NAALADL2: variants seen among roughly 807,000 people sequenced by gnomAD.
NAALADL2 encodes inactive N-acetylated-alpha-linked acidic dipeptidase-like protein 2.
Under a neutral mutation model 87.2 loss-of-function variants are expected in NAALADL2, and 76 were observed. The ratio of observed to expected loss-of-function variants is 0.87; its 90% CI spans 0.72 to 1.05. The LOEUF (loss-of-function observed/expected upper bound fraction) is 1.05, where lower values mean the gene tolerates loss of function less well. Among genes scored for constraint, NAALADL2 ranks in the 50% least tolerant of loss-of-function variants. NAALADL2 has a pLI of 0.00. For synonymous variants in NAALADL2, 354 were observed against 331.0 expected (o/e 1.07, Z -0.75); for missense variants, 1,089 against 945.8 (o/e 1.15, Z -1.99).
chr3:175,116,109 A>G (rs894943151), intron 2 of NAALADL2, among the ~76,000 whole-genome samples: 9 of 151,996 alleles, frequency 5.9e-5, no homozygotes. Context: ...AGTTATGACA[A>G]ACCCACAGCC....
intron 1 of NAALADL2, among the ~76,000 whole-genome samples, chr3:174,947,375 T>G (rs56134737): frequency 2.0e-5 from 3 of 152,146 alleles, no homozygotes; most frequent in Non-Finnish European, 4.4e-5. Flanking sequence ...GAGCTGAAGA[T>G]TGCTGTTTTA....
chr3:175,463,488 C>T lies in NAALADL2; in HGVS notation c.1322C>T (p.Ser441Phe). 1 of 1,574,728 alleles carries T rather than the reference C, an allele frequency of 6.4e-7. No individual in the cohort carries two copies. The highest frequency in any genetic ancestry group is 1.3e-5 in the African/African-American group (1 of 74,162). ...NVVGFVMGLT[S>F]PDRYIIVGSH... ...GTTGGATTTGTAATGGGCTTGACAT[C>T]TCCAGGTAAGTAGGGTTGAAAATTT... The change falls in exon 7 of 14, where the codon TCT becomes TTT. Residue 441 changes from serine (S) to phenylalanine (F), a missense_variant. Transcript: ENST00000454872.
At chr3:175,060,088 C>G in intron 1 of NAALADL2, 1 of 284,300 alleles carries the variant, frequency 3.5e-6, no homozygotes, top group Non-Finnish European at 7.4e-6. Context: ...AAATTGTGGG[C>G]ACCCCTGCTA....
intron 5 of NAALADL2, among the ~76,000 whole-genome samples, chr3:175,375,923 C>CATA (rs1767070149): frequency 1.3e-5 from 2 of 152,060 alleles, no homozygotes; most frequent in African/African-American, 4.8e-5. Flanking sequence ...CCTTTTTCTG[C>CATA]CCTACCCTCA....
intron 2 of NAALADL2, among the ~76,000 whole-genome samples, chr3:175,107,480 C>G (rs912777721): frequency 4.6e-5 from 7 of 150,920 alleles, no homozygotes; most frequent in Non-Finnish European, 8.9e-5. Flanking sequence ...ACCAATCTAG[C>G]TCTTTTCATA....
chr3:174,823,170 C>G (rs1428929593), intron 3 of NAALADL2, among the ~76,000 whole-genome samples: 1 of 151,828 alleles, frequency 6.6e-6, no homozygotes, highest in Admixed American at 6.6e-5. Flanking sequence ...GTTCTTTGTC[C>G]CAAGTGTTTG....
intron 1 of NAALADL2, among the ~76,000 whole-genome samples, chr3:174,967,284 G>A (rs1454293462): frequency 6.7e-6 from 1 of 149,676 alleles, no homozygotes; most frequent in African/African-American, 2.5e-5. Context: ...AATGAAGTAA[G>A]ATTAAGTTGC....
intron 10 of NAALADL2, among the ~76,000 whole-genome samples, chr3:175,619,778 T>A (rs1248783185): frequency 1.3e-5 from 2 of 152,144 alleles, no homozygotes; most frequent in Non-Finnish European, 2.9e-5. Context: ...TAGGAAAGAC[T>A]GGAGGTCCTA....
intron 1 of NAALADL2, among the ~76,000 whole-genome samples, chr3:174,936,417 C>T (rs1313885693): frequency 6.6e-6 from 1 of 151,802 alleles, no homozygotes. Flanking sequence ...ATAAAATGTC[C>T]ATGAATTGTT....
chr3:175,095,579 T>G lies in NAALADL2; in HGVS notation c.44-1211T>G, dbSNP rs376884837. ...AATTTTCTTAAAAATTTAGGAAATT[T>G]TAATTATATGGGCCTCAGCTAGCCA... On this transcript the variant is annotated intron_variant, in intron 1 of 13. Transcript: ENST00000454872. Among the ~76,000 whole-genome samples the G allele has an allele frequency of 7.9e-5, 12 of 152,254 alleles. No homozygotes were observed. The East Asian group carries it at 2.3e-3, about 29-fold the overall frequency.
At chr3:174,773,112 A>G (rs1714784535) in intron 3 of NAALADL2, among the ~76,000 whole-genome samples, 1 of 152,148 alleles carries the variant, frequency 6.6e-6, no homozygotes, top group Non-Finnish European at 1.5e-5. Context: ...AGATAATTAC[A>G]AAAGAGAAGG....
chr3:175,778,725 G>C (rs184255794), intron 13 of NAALADL2, among the ~76,000 whole-genome samples: 1 of 152,190 alleles, frequency 6.6e-6, no homozygotes, highest in East Asian at 1.9e-4. Context: ...TTTACAAGTG[G>C]GGAAGAAGAG....
intron 2 of NAALADL2, among the ~76,000 whole-genome samples, chr3:175,135,305 G>A (rs1413467567): frequency 6.6e-6 from 1 of 152,118 alleles, no homozygotes; most frequent in Non-Finnish European, 1.5e-5. Context: ...GCCAAGAAAA[G>A]TGATAATTCA....
intron 4 of NAALADL2, among the ~76,000 whole-genome samples, chr3:175,259,952 C>T (rs992549238): frequency 4.0e-5 from 6 of 151,748 alleles, no homozygotes; most frequent in Non-Finnish European, 1.5e-5. Context: ...CGCTTGAACC[C>T]GGGAGGTGGA....
intron 3 of NAALADL2, among the ~76,000 whole-genome samples, chr3:174,787,611 A>ATACACATATATATATATATG (rs1716950053): frequency 8.8e-6 from 1 of 114,030 alleles, no homozygotes; most frequent in Non-Finnish European, 1.9e-5. Context: ...ATATATATAT[A>ATACACATATATATATATATG]TATATATATA....
At chr3:174,882,891 GTATA>G (rs775939625) in intron 1 of NAALADL2, among the ~76,000 whole-genome samples, 2 of 149,006 alleles carry the variant, frequency 1.3e-5, no homozygotes, top group Admixed American at 1.3e-4. Flanking sequence ...GTGTATATAT[GTATA>G]TATATGTGTA....
At chr3:175,746,017 T>G (rs139416919) in intron 12 of NAALADL2, among the ~76,000 whole-genome samples, 233 of 152,312 alleles carry the variant, frequency 1.5e-3, no homozygotes, top group African/African-American at 5.3e-3. Context: ...ATTTATTTAG[T>G]GCAAGCCAGA....
At chr3:174,508,081 GT>G (rs1719321022) in intron 1 of NAALADL2, among the ~76,000 whole-genome samples, 1 of 132,622 alleles carries the variant, frequency 7.5e-6, no homozygotes, top group Non-Finnish European at 1.6e-5. Flanking sequence ...AGTATGGCCA[GT>G]TTTTTAAATT....
chr3:174,930,613 A>ATTTTTTTTT (rs1188907600), intron 1 of NAALADL2, among the ~76,000 whole-genome samples: 5 of 99,774 alleles, frequency 5.0e-5, no homozygotes, highest in African/African-American at 2.2e-4. Flanking sequence ...AATAAGATGA[A>ATTTTTTTTT]CTTTTTTTTT....
Sources: allele counts gnomAD v4.1 joint callset (sites outside exome capture counted in the v4.1 genomes callset), GRCh38; gene constraint gnomAD v4.1.1; transcripts MANE v1.5; gene names NCBI Gene and HGNC (gene_info 2026-07-23, HGNC 2026-07-21).